RAPGEF1: variants seen among roughly 807,000 people sequenced by gnomAD.
The protein encoded by RAPGEF1 is Rap guanine nucleotide exchange factor 1.
A neutral mutation model predicts 143.3 loss-of-function variants in RAPGEF1; 33 were observed. That is an observed-to-expected ratio of 0.23 (90% CI 0.17 to 0.31). The LOEUF (loss-of-function observed/expected upper bound fraction) is 0.31. Ranked by LOEUF, RAPGEF1 falls within the 10% of genes least tolerant of loss-of-function variation. The pLI is 1.00. For synonymous variants in RAPGEF1, 629 were observed against 676.5 expected (o/e 0.93, Z 1.09); for missense variants, 1,199 against 1,645.4 (o/e 0.73, Z 4.69).
intron 1 of RAPGEF1, among the ~76,000 whole-genome samples, chr9:131,701,853 T>A (rs1329170695): frequency 1.3e-5 from 2 of 152,262 alleles, no homozygotes; most frequent in African/African-American, 4.8e-5. Context: ...TTGAGATTTT[T>A]ACTCTTCTCT....
intron 12 of RAPGEF1, among the ~76,000 whole-genome samples, chr9:131,617,775 C>T (rs925536629): frequency 5.3e-5 from 8 of 152,200 alleles, no homozygotes; most frequent in Non-Finnish European, 7.3e-5. Context: ...AAAGGAAAGA[C>T]GCTGAAGCAT....
intron 1 of RAPGEF1, among the ~76,000 whole-genome samples, chr9:131,674,944 A>G (rs1832054913): frequency 6.6e-6 from 1 of 152,004 alleles, no homozygotes; most frequent in Non-Finnish European, 1.5e-5. Context: ...TGGCCTCCCC[A>G]AGGTGAATGC....
chr9:131,652,626 T>A (rs1234985766), intron 1 of RAPGEF1, among the ~76,000 whole-genome samples: 2 of 152,304 alleles, frequency 1.3e-5, no homozygotes, highest in East Asian at 3.8e-4. Flanking sequence ...ATCACCATCT[T>A]CCACCTCCCC....
intron 19 of RAPGEF1, among the ~76,000 whole-genome samples, chr9:131,589,474 C>T (rs900186702): frequency 6.6e-6 from 1 of 152,238 alleles, no homozygotes; most frequent in South Asian, 2.1e-4. Flanking sequence ...GTTAGCGGAA[C>T]GGATATGGCC....
At position 131,641,068 on chromosome 9, in the gene RAPGEF1, T is replaced by C. The variant is rs949288867; in HGVS notation, c.494+2171A>G. ...ATGTCAATTAAGAGCCACCCCTCAA[T>C]AGACAAAAAATACCCCCAGCCATTA... On this transcript the variant is annotated intron_variant, in intron 4 of 26. Coordinates refer to ENST00000683357, the MANE Select transcript of RAPGEF1 (RefSeq NM_001377935.1). The surrounding 1 kb of genome is among the most constrained non-coding windows in gnomAD (Gnocchi z 4.6). 6.6e-6 allele frequency among the ~76,000 whole-genome samples: 1 copy of C among 151,962 alleles called. No individual in the cohort carries two copies. Among genetic ancestry groups the C allele is most frequent in the Non-Finnish European group, 1.5e-5 (1 of 67,974 alleles).
chr9:131,596,839 G>T (rs1025072431), intron 16 of RAPGEF1, among the ~76,000 whole-genome samples: 2 of 152,212 alleles, frequency 1.3e-5, no homozygotes, highest in Non-Finnish European at 2.9e-5. Context: ...GCAGCAAGCG[G>T]CCCTACATCT....
intron 4 of RAPGEF1, among the ~76,000 whole-genome samples, chr9:131,639,564 G>T (rs567825128): frequency 3.3e-5 from 5 of 152,094 alleles, no homozygotes; most frequent in South Asian, 4.2e-4. Flanking sequence ...GCCGAATGGA[G>T]AATTTTTACA....
chr9:131,716,769 T>C (rs1262646778), intron 1 of RAPGEF1, among the ~76,000 whole-genome samples: 1 of 152,000 alleles, frequency 6.6e-6, no homozygotes, highest in African/African-American at 2.4e-5. Context: ...GCAGACCCTG[T>C]CTCAAAAAAA....
intron 16 of RAPGEF1, among the ~76,000 whole-genome samples, chr9:131,597,571 A>G (rs1052271759): frequency 6.6e-6 from 1 of 152,096 alleles, no homozygotes; most frequent in African/African-American, 2.4e-5. Context: ...GCTCCTTTGT[A>G]CTTCTAGCAC....
At position 131,628,097 on chromosome 9, in the gene RAPGEF1, C is replaced by G; in HGVS notation, c.1018-1G>C. 1.3e-6 allele frequency: 2 copies of G among 1,537,742 alleles called. No individual in the cohort carries two copies. Among genetic ancestry groups the G allele is most frequent in the Non-Finnish European group, 1.8e-6 (2 of 1,139,274 alleles). On this transcript the variant is annotated splice_acceptor_variant, in intron 8 of 26. Transcript: ENST00000683357. LOFTEE classifies it high-confidence loss of function. The surrounding 1 kb of genome is among the most constrained non-coding windows in gnomAD (Gnocchi z 5.7). ...GTGCGTAACAGTCAACATCAAAATCCTCAAGTGGAAAAAGAAAAACAAAGC... is the reference window on the plus strand; with the variant it reads ...GTGCGTAACAGTCAACATCAAAATCGTCAAGTGGAAAAAGAAAAACAAAGC...
At chr9:131,709,436 T>C (rs1189133461) in intron 1 of RAPGEF1, among the ~76,000 whole-genome samples, 2 of 152,206 alleles carry the variant, frequency 1.3e-5, no homozygotes, top group Non-Finnish European at 2.9e-5. Flanking sequence ...AGCCATCATA[T>C]TGAGAGAGGA....
rs114904414 is a variant in RAPGEF1, at chr9:131,705,810, T to C, written c.61+33960A>G. The stretch of plus-strand genomic sequence containing the variant: ...CTTCTCTAGCAGGCATCAAATGCTC[T>C]GTAGGGTGACAGCAGGTGGAGGCTG... On this transcript the variant is annotated intron_variant, in intron 1 of 26. Transcript: ENST00000683357. 8.1e-3 allele frequency among the ~76,000 whole-genome samples: 1,235 copies of C among 152,302 alleles called. 19 individuals carry two copies. Among genetic ancestry groups the C allele is most frequent in the African/African-American group, 0.028 (1,176 of 41,548 alleles).
chr9:131,632,715 G>A lies in RAPGEF1; in HGVS notation c.652-2391C>T, dbSNP rs549484840. 4.3e-4 allele frequency among the ~76,000 whole-genome samples: 66 copies of A among 152,230 alleles called. No individual in the cohort carries two copies. The South Asian group carries it at 0.014, about 31-fold the overall frequency. On this transcript the variant is annotated intron_variant, in intron 5 of 26. Transcript: ENST00000683357. ...GGAAAGATGCTGTAATACACTGAGT[G>A]GAAAAACAGTTCTAGGTGATATGCT... is the stretch of plus-strand genomic sequence containing the variant.
chr9:131,692,507 G>A (rs1365955189), intron 1 of RAPGEF1, among the ~76,000 whole-genome samples: 1 of 152,144 alleles, frequency 6.6e-6, no homozygotes, highest in African/African-American at 2.4e-5. Context: ...TATATTATGA[G>A]GGACAGGTCT....
intron 1 of RAPGEF1, among the ~76,000 whole-genome samples, chr9:131,707,364 G>C (rs1835149951): frequency 6.6e-6 from 1 of 152,162 alleles, no homozygotes; most frequent in African/African-American, 2.4e-5. Context: ...TCTAACACTT[G>C]TTAAACTTAT....
At chr9:131,671,062 A>G (rs1199725962) in intron 1 of RAPGEF1, among the ~76,000 whole-genome samples, 2 of 152,136 alleles carry the variant, frequency 1.3e-5, no homozygotes, top group Admixed American at 6.5e-5. Context: ...CACTCTCTAA[A>G]CCCCACACTG....
intron 1 of RAPGEF1, among the ~76,000 whole-genome samples, chr9:131,710,746 G>A (rs557540235): frequency 7.9e-5 from 12 of 152,214 alleles, no homozygotes; most frequent in African/African-American, 2.2e-4. Flanking sequence ...AAAATTAGCC[G>A]GGCGTGGTGG....
In RAPGEF1 at chr9:131,583,246, C is replaced by T. The variant is rs1356466845; in HGVS notation, c.3415-544G>A. On this transcript the variant is annotated intron_variant, in intron 24 of 26. Transcript: ENST00000683357. The surrounding 1 kb of genome is among the most constrained non-coding windows in gnomAD (Gnocchi z 4.7). Reference sequence around the variant, plus strand: ...CAGCCCTGCCCCACTCAGAAGGCCCCTCTCCTGCCTCTTCTCCTGTTACGT... The same window carrying T: ...CAGCCCTGCCCCACTCAGAAGGCCCTTCTCCTGCCTCTTCTCCTGTTACGT... Among the ~76,000 whole-genome samples, 1 of 152,186 alleles carries T rather than the reference C, an allele frequency of 6.6e-6. No homozygotes were observed.
intron 1 of RAPGEF1, among the ~76,000 whole-genome samples, chr9:131,722,307 G>A (rs531390368): frequency 1.3e-5 from 2 of 152,246 alleles, no homozygotes; most frequent in East Asian, 1.9e-4. Flanking sequence ...TGCCTAGATC[G>A]TCCTCTCTTT....
Sources: gnomAD v4.1 joint callset for allele counts (sites outside exome capture counted in the v4.1 genomes callset) on GRCh38, gnomAD v4.1.1 for gene constraint, Gnocchi (gnomAD v3.1) non-coding constraint, MANE v1.5 for transcripts, NCBI Gene and HGNC (gene_info 2026-07-23, HGNC 2026-07-21) for gene names.